The following DENND5B variants were observed in gnomAD, a reference collection of about 807,000 sequenced individuals.
The protein encoded by DENND5B is DENN domain containing 5B.
DENND5B carries 34 observed loss-of-function variants against 140.6 expected under a neutral mutation model. The ratio of observed to expected loss-of-function variants is 0.24; its 90% confidence interval spans 0.18 to 0.32. The LOEUF is 0.32. DENND5B is among the 10% of genes least tolerant of loss of function. The probability of loss-of-function intolerance (pLI) is 1.00; values close to 1 mark genes in which losing one functional copy is unlikely to be tolerated. For missense variants in DENND5B, 1,142 were observed against 1,560.2 expected (o/e 0.73, Z 4.52); for synonymous variants, 551 against 562.1 (o/e 0.98, Z 0.28).
At chr12:31,481,895 C>A (rs918034410) in intron 2 of DENND5B, among the ~76,000 whole-genome samples, 8 of 152,050 alleles carry the variant, frequency 5.3e-5, no homozygotes, top group African/African-American at 1.9e-4. Flanking sequence ...TGTCTCAGGG[C>A]CTTGGAAGGG....
At chr12:31,457,914 C>T (rs191838639) in intron 4 of DENND5B, among the ~76,000 whole-genome samples, 1 of 151,870 alleles carries the variant, frequency 6.6e-6, no homozygotes, top group East Asian at 1.9e-4. Context: ...CAGGGTTTCA[C>T]CGTGTTATCC....
intron 1 of DENND5B, among the ~76,000 whole-genome samples, chr12:31,511,447 T>C (rs976650301): frequency 2.6e-5 from 4 of 152,182 alleles, no homozygotes; most frequent in African/African-American, 7.2e-5. Context: ...AATTGATGTG[T>C]TAAAATAAAA....
At chr12:31,570,521 C>T (rs2139393677) in intron 1 of DENND5B, among the ~76,000 whole-genome samples, 1 of 151,156 alleles carries the variant, frequency 6.6e-6, no homozygotes. Context: ...TCGTGATCCA[C>T]CCGCCTCGGC....
intron 1 of DENND5B, among the ~76,000 whole-genome samples, chr12:31,587,350 A>C (rs1325160917): frequency 6.6e-6 from 1 of 152,054 alleles, no homozygotes. Flanking sequence ...GTTCAGCCCC[A>C]AAATCTTGGA....
chr12:31,426,403 T>A lies in DENND5B; in HGVS notation c.2128A>T (p.Ser710Cys). ...LREKYMQEAR[S>C]LGKNLRQPKL... is the part of the protein sequence containing the mutation. ...GGTTGCCTCAGGTTTTTTCCTAAACTTCGTGCCTCTTGCATATATTTCTAA... is the reference window on the plus strand; with the variant it reads ...GGTTGCCTCAGGTTTTTTCCTAAACATCGTGCCTCTTGCATATATTTCTAA... The change falls in exon 9 of 21, where the codon AGT becomes TGT. Residue 710 changes from serine (S) to cysteine (C), a missense_variant. This residue lies in a region of DENND5B where 708 missense variants were observed against 905.5 expected (regional missense o/e 0.78). Coordinates refer to ENST00000389082, the MANE Select transcript of DENND5B (RefSeq NM_144973.4). 1 of 1,612,114 alleles carries A rather than the reference T, an allele frequency of 6.2e-7. No homozygotes were observed. The highest frequency in any genetic ancestry group is 8.5e-7 in the Non-Finnish European group (1 of 1,178,950).
At chr12:31,549,139 ATCCT>A (rs1369317224) in intron 1 of DENND5B, among the ~76,000 whole-genome samples, 16 of 152,122 alleles carry the variant, frequency 1.1e-4, no homozygotes, top group African/African-American at 3.9e-4. Context: ...GCTTCAGGTG[ATCCT>A]TCCGAGTGGA....
intron 12 of DENND5B, among the ~76,000 whole-genome samples, chr12:31,415,064 G>A (rs793157): frequency 0.35 from 53,108 of 151,664 alleles, 10,522 homozygotes; most frequent in Non-Finnish European, 0.47. Context: ...GCAGGGAGTG[G>A]TGATTGCACC....
At chr12:31,434,974 C>T (rs1456054278) in intron 7 of DENND5B, among the ~76,000 whole-genome samples, 2 of 152,160 alleles carry the variant, frequency 1.3e-5, no homozygotes, top group Non-Finnish European at 2.9e-5. Flanking sequence ...TCACTTAAGA[C>T]CCCTGGTGCT....
chr12:31,559,890 G>GTGC (rs1328186010), intron 1 of DENND5B, among the ~76,000 whole-genome samples: 2 of 152,126 alleles, frequency 1.3e-5, no homozygotes, highest in Non-Finnish European at 2.9e-5. Context: ...GATACTCTTA[G>GTGC]TGCTGCTGCT....
intron 1 of DENND5B, among the ~76,000 whole-genome samples, chr12:31,544,141 G>A (rs1355977488): frequency 6.6e-6 from 1 of 152,142 alleles, no homozygotes; most frequent in Non-Finnish European, 1.5e-5. Flanking sequence ...TCCAGCCTGG[G>A]CAACAGAGTG....
chr12:31,526,417 T>G (rs1266376112), intron 1 of DENND5B, among the ~76,000 whole-genome samples: 1 of 152,194 alleles, frequency 6.6e-6, no homozygotes, highest in Non-Finnish European at 1.5e-5. Context: ...ACATGTCAAA[T>G]CCTATGATCT....
At chr12:31,564,524 T>C (rs1319195357) in intron 1 of DENND5B, among the ~76,000 whole-genome samples, 2 of 151,164 alleles carry the variant, frequency 1.3e-5, no homozygotes, top group East Asian at 3.9e-4. Context: ...TCATGCACTT[T>C]TCAGTTCCCT....
chr12:31,399,019 G>C (rs1233270172), intron 16 of DENND5B, among the ~76,000 whole-genome samples: 1 of 150,722 alleles, frequency 6.6e-6, no homozygotes, highest in Non-Finnish European at 1.5e-5. Context: ...CTACTCGGGA[G>C]GCTGAAGCAC....
intron 1 of DENND5B, among the ~76,000 whole-genome samples, chr12:31,587,534 T>C: frequency 6.9e-5 from 1 of 14,572 alleles, no homozygotes; most frequent in East Asian, 4.3e-3. Flanking sequence ...ACCTTTTTTT[T>C]TTTTTTTTTT....
chr12:31,453,674 C>A (rs958515922), intron 4 of DENND5B, among the ~76,000 whole-genome samples: 5 of 152,146 alleles, frequency 3.3e-5, no homozygotes, highest in African/African-American at 4.8e-5. Flanking sequence ...CTGGCTCCCC[C>A]ACCCCCAGGC....
chr12:31,560,236 C>A (rs1565696640), intron 1 of DENND5B, among the ~76,000 whole-genome samples: 1 of 152,122 alleles, frequency 6.6e-6, no homozygotes, highest in Admixed American at 6.6e-5. Context: ...CTGTGCCAAC[C>A]CTCCTCCAAC....
At chr12:31,573,095 T>C (rs1482699110) in intron 1 of DENND5B, among the ~76,000 whole-genome samples, 1 of 152,134 alleles carries the variant, frequency 6.6e-6, no homozygotes, top group Non-Finnish European at 1.5e-5. Flanking sequence ...CATCACAAAG[T>C]GACAGGGTCA....
At chr12:31,402,108 A>G (rs996656769) in intron 15 of DENND5B, among the ~76,000 whole-genome samples, 1 of 151,452 alleles carries the variant, frequency 6.6e-6, no homozygotes, top group Non-Finnish European at 1.5e-5. Flanking sequence ...CATGAATATC[A>G]GCTCTCCTGT....
At position 31,406,146 on chromosome 12, in the gene DENND5B, AT is replaced by A. The variant is rs890594303; in HGVS notation, c.2803+3116del. 1.4e-3 allele frequency among the ~76,000 whole-genome samples: 211 copies of A among 145,760 alleles called. 1 individual carries two copies. Among genetic ancestry groups the A allele is most frequent in the African/African-American group, 4.6e-3 (184 of 40,036 alleles). On this transcript the variant is annotated intron_variant, in intron 14 of 20. Transcript: ENST00000389082. Reference sequence around the variant, plus strand: ...CAGGTGTGAGCCACCATGCCCAGCCATTTTTTTTTTTAAGTAGGGTAGAATC... The same window carrying A: ...CAGGTGTGAGCCACCATGCCCAGCCATTTTTTTTTTAAGTAGGGTAGAATC...
Sources: gnomAD v4.1 joint callset for allele counts (sites outside exome capture counted in the v4.1 genomes callset) on GRCh38, gnomAD v4.1.1 for gene constraint, gnomAD v4.1.1 regional missense constraint, MANE v1.5 for transcripts, NCBI Gene and HGNC (gene_info 2026-07-23, HGNC 2026-07-21) for gene names.